Variants in SUSD5 observed in about 807,000 individuals in gnomAD.
The protein encoded by SUSD5 is sushi domain-containing protein 5.
In SUSD5, 33 loss-of-function variants were observed where a neutral mutation model predicts 29.5. That is an observed-to-expected ratio of 1.12 (90% CI 0.85 to 1.49). SUSD5 has a LOEUF of 1.49. SUSD5 is among the 40% of genes most tolerant of loss of function. SUSD5 has a pLI of 0.00. For missense variants in SUSD5, 776 were observed against 800.6 expected, an observed-to-expected ratio of 0.97 and a Z score of 0.37; for synonymous variants, 308 against 325.3, an observed-to-expected ratio of 0.95 and a Z score of 0.57.
chr3:33,166,120 T>C (rs2031300503), intron 4 of SUSD5, among the ~76,000 whole-genome samples: 1 of 152,184 alleles, frequency 6.6e-6, no homozygotes, highest in Non-Finnish European at 1.5e-5. Context: ...AATTAAGAAT[T>C]CACTCTGGGA....
chr3:33,207,673 T>C (rs1164417151), intron 3 of SUSD5, 135 bp downstream of exon 3: 8 of 584,614 alleles, frequency 1.4e-5, no homozygotes, highest in Middle Eastern at 5.3e-4. Flanking sequence ...ACTATTGGCT[T>C]TTCTTTGGAA....
Position 33,152,584 on chromosome 3 carries a change from C to T in SUSD5, c.*158G>A. The T allele has an allele frequency of 1.3e-6, 1 of 762,036 alleles. No homozygotes were observed. The allele number at this position is 762,036 out of a possible 1,614,324, so 47.2% of individuals were successfully genotyped here. ...TGTCACCAAAGCCTCCCTGCCCTCC[C>T]AGGTGCTCCAGAGACACTTCTCAGC... On this transcript the variant is annotated 3_prime_UTR_variant, in exon 5 of 5. Transcript: ENST00000309558.
rs375305853 is a variant in SUSD5, at chr3:33,152,836, C to G, written c.1796G>C (p.Arg599Pro). 1.2e-6 allele frequency: 2 copies of G among 1,613,982 alleles called. No individual in the cohort carries two copies. Among genetic ancestry groups the G allele is most frequent in the Non-Finnish European group, 1.7e-6 (2 of 1,179,884 alleles). ...CACAGAGCTCTTGTGCTGGCACTTGCGGTAGCCCCACACCATCCCCACACC... is the reference window on the plus strand; with the variant it reads ...CACAGAGCTCTTGTGCTGGCACTTGGGGTAGCCCCACACCATCCCCACACC... ...LAGVGMVWGYRKCQHKSSVYK... is the reference protein window; with the variant it reads ...LAGVGMVWGYPKCQHKSSVYK... Residue 599 changes from arginine (R) to proline (P), a missense_variant, in exon 5 of 5, where the codon CGC becomes CCC. By Grantham distance (103) the Arg-to-Pro change is moderately radical (BLOSUM62 -2). Transcript: ENST00000309558.
chr3:33,199,748 T>A (rs2032073961), intron 3 of SUSD5, among the ~76,000 whole-genome samples: 1 of 152,182 alleles, frequency 6.6e-6, no homozygotes, highest in Non-Finnish European at 1.5e-5. Flanking sequence ...TATTTGGAAG[T>A]GGGACTTTTG....
At chr3:33,214,811 G>A (rs375044032) in intron 1 of SUSD5, among the ~76,000 whole-genome samples, 10 of 152,220 alleles carry the variant, frequency 6.6e-5, no homozygotes, top group South Asian at 2.1e-4. Context: ...CCACGGTACC[G>A]GAGGGAGCAC....
chr3:33,175,050 G>A lies in SUSD5; in HGVS notation c.434C>T (p.Ser145Leu), dbSNP rs776179774. The change falls in exon 4 of 5, where the codon TCG becomes TTG. Residue 145 changes from serine to leucine, a missense_variant. Physicochemically the swap from Ser to Leu is moderately radical, Grantham distance 145. Transcript: ENST00000309558. Reference protein sequence around the residue: ...DEEKPCGDPPSFPHTILQGRT... With the variant: ...DEEKPCGDPPLFPHTILQGRT... ...GCCCTGCAGGATGGTGTGTGGGAAC[G>A]AAGGCGGGTCTCCACACGGCTTCTC... The A allele has an allele frequency of 6.8e-6, 11 of 1,613,904 alleles. No homozygotes were observed. The highest frequency in any genetic ancestry group is 6.7e-5 in the East Asian group (3 of 44,890).
intron 4 of SUSD5, among the ~76,000 whole-genome samples, chr3:33,166,432 A>C (rs1320019075): frequency 6.6e-6 from 1 of 152,216 alleles, no homozygotes; most frequent in Non-Finnish European, 1.5e-5. Context: ...GGTGCTTGAC[A>C]CTTGAACCCT....
At chr3:33,183,930 CTTTTTTTT>C (rs68055129) in intron 3 of SUSD5, among the ~76,000 whole-genome samples, 13 of 62,614 alleles carry the variant, frequency 2.1e-4, no homozygotes, top group South Asian at 8.5e-4. Flanking sequence ...TTATTACCCT[CTTTTTTTT>C]TTTTTTTTTT....
At chr3:33,182,450 T>G (rs7634211) in intron 3 of SUSD5, among the ~76,000 whole-genome samples, 23,093 of 152,136 alleles carry the variant, frequency 0.15, 1,965 homozygotes, top group South Asian at 0.26. Flanking sequence ...TTAACTAAAT[T>G]GGCTGTCAAG....
chr3:33,185,435 T>C (rs2031758280), intron 3 of SUSD5, among the ~76,000 whole-genome samples: 1 of 152,258 alleles, frequency 6.6e-6, no homozygotes, highest in Admixed American at 6.5e-5. Context: ...AGTTTTTAAC[T>C]CACAAACTTG....
intron 4 of SUSD5, among the ~76,000 whole-genome samples, chr3:33,172,221 ACTC>A (rs888931456): frequency 6.4e-5 from 9 of 140,606 alleles, no homozygotes; most frequent in African/African-American, 2.4e-4. Flanking sequence ...ACACACACAC[ACTC>A]TTCTTACAAG....
intron 4 of SUSD5, among the ~76,000 whole-genome samples, chr3:33,171,905 C>T (rs1478187567): frequency 6.6e-6 from 1 of 152,180 alleles, no homozygotes; most frequent in Non-Finnish European, 1.5e-5. Context: ...ATCTCATCAT[C>T]TACTGCTTTT....
At chr3:33,185,713 C>A (rs12638843) in intron 3 of SUSD5, among the ~76,000 whole-genome samples, 20,141 of 152,174 alleles carry the variant, frequency 0.13, 1,584 homozygotes, top group South Asian at 0.25. Context: ...AACCAGAAGT[C>A]TTTTTCTTTT....
At chr3:33,208,180 T>G (rs897187534) in intron 2 of SUSD5, among the ~76,000 whole-genome samples, 2 of 152,334 alleles carry the variant, frequency 1.3e-5, no homozygotes, top group East Asian at 3.9e-4. Flanking sequence ...TTCTAGATTA[T>G]GTTGGTTTTT....
chr3:33,185,062 G>A (rs571810195), intron 3 of SUSD5, among the ~76,000 whole-genome samples: 1 of 152,336 alleles, frequency 6.6e-6, no homozygotes, highest in African/African-American at 2.4e-5. Flanking sequence ...GGGAGAGGAA[G>A]TGTTCTAGAG....
chr3:33,196,805 G>A (rs909810156), intron 3 of SUSD5, among the ~76,000 whole-genome samples: 1 of 152,148 alleles, frequency 6.6e-6, no homozygotes, highest in Non-Finnish European at 1.5e-5. Flanking sequence ...CATGAGTATC[G>A]TACATTCCAA....
intron 3 of SUSD5, among the ~76,000 whole-genome samples, chr3:33,188,501 T>C (rs2031823762): frequency 6.6e-6 from 1 of 152,196 alleles, no homozygotes; most frequent in African/African-American, 2.4e-5. Context: ...CTGGAAGGTT[T>C]GTAAAAATAC....
chr3:33,201,938 A>C (rs1420433616), intron 3 of SUSD5, among the ~76,000 whole-genome samples: 20 of 152,154 alleles, frequency 1.3e-4, no homozygotes, highest in Non-Finnish European at 1.5e-5. Context: ...AAGTCTCTCT[A>C]ATAACCTTTC....
At chr3:33,205,658 G>C (rs2032204231) in intron 3 of SUSD5, among the ~76,000 whole-genome samples, 1 of 152,204 alleles carries the variant, frequency 6.6e-6, no homozygotes, top group East Asian at 1.9e-4. Flanking sequence ...CTTGCTCGAT[G>C]GTCTGTGAGG....
Sources: allele counts gnomAD v4.1 joint callset (sites outside exome capture counted in the v4.1 genomes callset), GRCh38; gene constraint gnomAD v4.1.1; transcripts MANE v1.5; gene names NCBI Gene and HGNC (gene_info 2026-07-23, HGNC 2026-07-21).